Variants in TG observed in about 807,000 individuals in gnomAD.
The protein encoded by TG is thyroglobulin, also known as thyroid hormones.
A neutral mutation model predicts 324.7 loss-of-function variants in TG; 270 were observed. The observed-to-expected ratio is 0.83, with a 90% CI of 0.75 to 0.92. The LOEUF is 0.92. Among genes scored for constraint, TG ranks in the 40% least tolerant of loss-of-function variants. The pLI is 0.00. For synonymous variants in TG, 1,401 were observed against 1,327.0 expected, an observed-to-expected ratio of 1.06 and a Z score of -1.21; for missense variants, 3,591 against 3,456.4, an observed-to-expected ratio of 1.04 and a Z score of -0.98.
intron 41 of TG, chr8:133,047,003 A>T (rs1284385971): frequency 2.0e-5 from 3 of 152,180 alleles, no homozygotes; most frequent in Non-Finnish European, 4.4e-5. Flanking sequence ...TGAATTTTAA[A>T]AAAGTTATTA....
chr8:133,107,187 T>C (rs749543318), intron 43 of TG, among the ~76,000 whole-genome samples: 4 of 152,146 alleles, frequency 2.6e-5, no homozygotes, highest in East Asian at 1.9e-4. Context: ...CATTTGTTCA[T>C]TGGAGGTGAA....
chr8:133,085,809 G>T (rs934737627), intron 41 of TG, among the ~76,000 whole-genome samples: 7 of 152,156 alleles, frequency 4.6e-5, no homozygotes, highest in African/African-American at 1.7e-4. Context: ...AAACAGTTTG[G>T]CAACTTCTCA....
chr8:132,970,138 A>G (rs1375240063), intron 32 of TG, among the ~76,000 whole-genome samples: 1 of 152,056 alleles, frequency 6.6e-6, no homozygotes, highest in Non-Finnish European at 1.5e-5. Flanking sequence ...AAAACCTCAC[A>G]TTGCAGTGCT....
chr8:132,879,055 A>G (rs1253163539), intron 5 of TG, among the ~76,000 whole-genome samples: 1 of 152,252 alleles, frequency 6.6e-6, no homozygotes, highest in Non-Finnish European at 1.5e-5. Context: ...TTCCCTGATG[A>G]CAGTGAATCA....
At chr8:132,933,916 G>A (rs951525606) in intron 24 of TG, among the ~76,000 whole-genome samples, 4 of 152,128 alleles carry the variant, frequency 2.6e-5, no homozygotes, top group Non-Finnish European at 4.4e-5. Flanking sequence ...GCTTCCTGAC[G>A]AGTCAGTCAG....
At chr8:133,106,163 G>A (rs1638811348) in intron 43 of TG, among the ~76,000 whole-genome samples, 1 of 152,176 alleles carries the variant, frequency 6.6e-6, no homozygotes, top group Admixed American at 6.5e-5. Flanking sequence ...CTCCAGGGCT[G>A]TGGGCAGCAA....
chr8:132,948,700 C>A, intron 26 of TG, 76 bp from the exon 27 acceptor site: 1 of 1,492,234 alleles, frequency 6.7e-7, no homozygotes, highest in Non-Finnish European at 9.3e-7. Context: ...TTTGCAAATG[C>A]TCTCAGGGGA....
intron 35 of TG, among the ~76,000 whole-genome samples, chr8:132,996,706 G>T (rs1422560798): frequency 2.0e-5 from 3 of 152,182 alleles, no homozygotes; most frequent in Non-Finnish European, 4.4e-5. Flanking sequence ...AGGAGAAGAA[G>T]TAGGCATTTA....
chr8:132,986,920 T>G (rs1242347956), intron 35 of TG, among the ~76,000 whole-genome samples: 2 of 152,218 alleles, frequency 1.3e-5, no homozygotes, highest in Non-Finnish European at 2.9e-5. Flanking sequence ...TTATTAAATT[T>G]ATAGATAAAG....
chr8:133,053,913 G>A (rs1181751703), intron 41 of TG, among the ~76,000 whole-genome samples: 1 of 152,136 alleles, frequency 6.6e-6, no homozygotes. Flanking sequence ...TTAAGGGTCA[G>A]ATAACCTGTG....
At chr8:132,991,934 A>G (rs1255142401) in intron 35 of TG, among the ~76,000 whole-genome samples, 1 of 152,138 alleles carries the variant, frequency 6.6e-6, no homozygotes, top group African/African-American at 2.4e-5. Context: ...CTGCAATGAT[A>G]GTAGGTCTTA....
intron 18 of TG, among the ~76,000 whole-genome samples, chr8:132,909,831 G>A (rs562650308): frequency 1.3e-5 from 2 of 152,302 alleles, no homozygotes; most frequent in African/African-American, 4.8e-5. Flanking sequence ...AGGAGGTTCT[G>A]GGGTTAGTGG....
At position 133,013,643 on chromosome 8, in the gene TG, C is replaced by G. The variant is rs756398224; in HGVS notation, c.6441C>G (p.Thr2147=). Reference sequence around the variant, plus strand: ...CCTGTCTCATCACCACTCTGCAAACCCAACCTGGGGCTGTGAGATGTATGT... The same window carrying G: ...CCTGTCTCATCACCACTCTGCAAACGCAACCTGGGGCTGTGAGATGTATGT... ...HEACLITTLQ[T]QPGAVRCMFY... The change falls in exon 37 of 48, where the codon ACC becomes ACG. Residue 2147 remains threonine, a synonymous_variant. Transcript: ENST00000220616. 2.4e-5 allele frequency: 39 copies of G among 1,614,060 alleles called. No homozygotes were observed. The South Asian group carries it at 4.1e-4, about 17-fold the overall frequency.
intron 35 of TG, chr8:132,995,438 C>A: frequency 1.0e-6 from 1 of 985,290 alleles, no homozygotes; most frequent in South Asian, 4.7e-5. Flanking sequence ...TGAGCTTGGG[C>A]AAGTTCCCTA....
intron 41 of TG, chr8:133,060,409 A>C: frequency 2.0e-6 from 3 of 1,503,482 alleles, no homozygotes. Context: ...GAAAAACCAC[A>C]GAGAGGGAAG....
At chr8:132,997,189 G>C (rs28758516) in intron 35 of TG, among the ~76,000 whole-genome samples, 28,772 of 152,154 alleles carry the variant, frequency 0.19, 3,011 homozygotes, top group Middle Eastern at 0.32. Context: ...AAGACTTAAG[G>C]TTTTGAGTTG....
chr8:133,033,889 A>G (rs1177071509), intron 41 of TG, among the ~76,000 whole-genome samples: 2 of 152,218 alleles, frequency 1.3e-5, no homozygotes, highest in Non-Finnish European at 2.9e-5. Context: ...CAATTCTACT[A>G]TGACTAGGTG....
chr8:132,924,070 A>G (rs1354221070), intron 22 of TG, among the ~76,000 whole-genome samples: 1 of 152,006 alleles, frequency 6.6e-6, no homozygotes, highest in Non-Finnish European at 1.5e-5. Flanking sequence ...TATACAACTC[A>G]CCATAACGTA....
chr8:132,891,086 T>C (rs1379665408), intron 10 of TG, among the ~76,000 whole-genome samples: 2 of 152,074 alleles, frequency 1.3e-5, no homozygotes, highest in African/African-American at 4.8e-5. Flanking sequence ...GAAAATGCGG[T>C]GGAGGGCGCT....
Sources: allele counts gnomAD v4.1 joint callset (sites outside exome capture counted in the v4.1 genomes callset), GRCh38; gene constraint gnomAD v4.1.1; transcripts MANE v1.5; gene names NCBI Gene and HGNC (gene_info 2026-07-23, HGNC 2026-07-21).